Variants in ATP8A1 observed in about 807,000 individuals in gnomAD.
ATP8A1 encodes the protein ATPase phospholipid transporting 8A1.
ATP8A1 carries 90 observed loss-of-function variants against 177.7 expected under a neutral mutation model. The observed-to-expected ratio is 0.51, with a 90% CI of 0.43 to 0.60. The LOEUF (loss-of-function observed/expected upper bound fraction) is 0.60. Ranked by LOEUF, ATP8A1 falls within the 20% of genes least tolerant of loss-of-function variation. The pLI is 0.00. For synonymous variants in ATP8A1, 493 were observed against 485.9 expected, an observed-to-expected ratio of 1.01 and a Z score of -0.19; for missense variants, 1,072 against 1,392.8, an observed-to-expected ratio of 0.77 and a Z score of 3.67.
intron 20 of ATP8A1, 42 bp downstream of exon 20, chr4:42,543,875 C>T: frequency 1.4e-6 from 2 of 1,404,168 alleles, no homozygotes; most frequent in Non-Finnish European, 2.0e-6. Flanking sequence ...CATTATAAAC[C>T]ATCATAAATT....
At chr4:42,605,109 C>T (rs1735664204) in intron 5 of ATP8A1, among the ~76,000 whole-genome samples, 1 of 152,126 alleles carries the variant, frequency 6.6e-6, no homozygotes, top group Admixed American at 6.5e-5. Flanking sequence ...CGGTGCATAA[C>T]CTTGTGAATG....
Position 42,657,016 on chromosome 4 carries a change from C to G in ATP8A1, c.-143G>C, listed in dbSNP as rs1741711874. 1.2e-6 allele frequency: 1 copy of G among 822,376 alleles called. No individual in the cohort carries two copies. Among genetic ancestry groups the G allele is most frequent in the Non-Finnish European group, 1.6e-6 (1 of 612,654 alleles). 50.9% of individuals were successfully genotyped at this position (822,376 alleles called of 1,614,324 possible). A position where few individuals can be genotyped will look rare whatever the true frequency, so the allele number is the denominator to read the frequency against. ...CCGCCCACCTAGGGCAGAGCTGCCG[C>G]CGGGCGCGGCCCCCGCACGCCGACA... On this transcript the variant is annotated 5_prime_UTR_variant, in exon 1 of 37. Transcript: ENST00000381668.
At chr4:42,429,908 G>A (rs1236370483) in intron 33 of ATP8A1, among the ~76,000 whole-genome samples, 1 of 152,190 alleles carries the variant, frequency 6.6e-6, no homozygotes, top group Non-Finnish European at 1.5e-5. Context: ...CTTAGATGCA[G>A]TGCCTGGAAT....
intron 22 of ATP8A1, among the ~76,000 whole-genome samples, chr4:42,516,106 A>C (rs1026497107): frequency 6.6e-6 from 1 of 152,244 alleles, no homozygotes; most frequent in African/African-American, 2.4e-5. Flanking sequence ...TCATTTATTC[A>C]TCAAATATTT....
intron 18 of ATP8A1, 44 bp from the exon 19 acceptor site, chr4:42,549,106 C>CTTAA: frequency 6.8e-7 from 1 of 1,473,318 alleles, no homozygotes; most frequent in South Asian, 1.2e-5. Flanking sequence ...TTGGAAAAGT[C>CTTAA]TTAAGCTTCT....
chr4:42,601,122 G>A lies in ATP8A1; in HGVS notation c.410-604C>T, dbSNP rs183704148. On this transcript the variant is annotated intron_variant, in intron 5 of 36. Coordinates refer to ENST00000381668, the MANE Select transcript of ATP8A1 (RefSeq NM_006095.2). ...ACAATCTTGGCTCACTGCAACCTCC[G>A]CCTCCCAGGTTCAAGCCATTCTCCT... Among the ~76,000 whole-genome samples, 589 of 134,406 alleles carry A rather than the reference G, an allele frequency of 4.4e-3. 3 individuals carry two copies. Among genetic ancestry groups the A allele is most frequent in the Middle Eastern group, 0.021 (5 of 234 alleles). The allele number at this position is 134,406 out of a possible 152,430, so 88.2% of individuals were successfully genotyped here. A position where few individuals can be genotyped will look rare whatever the true frequency, so the allele number is the denominator to read the frequency against.
intron 15 of ATP8A1, among the ~76,000 whole-genome samples, chr4:42,565,645 A>C (rs1240652490): frequency 1.3e-5 from 2 of 152,232 alleles, no homozygotes; most frequent in Non-Finnish European, 2.9e-5. Flanking sequence ...GTTGAGAAAA[A>C]ACAAATAATA....
intron 36 of ATP8A1, among the ~76,000 whole-genome samples, chr4:42,413,922 G>A (rs1194834825): frequency 3.3e-5 from 5 of 152,212 alleles, no homozygotes; most frequent in Non-Finnish European, 5.9e-5. Context: ...TCCTTCAGAG[G>A]ACATTCCCCT....
chr4:42,578,709 A>C (rs756053204), intron 11 of ATP8A1, among the ~76,000 whole-genome samples: 2 of 152,142 alleles, frequency 1.3e-5, no homozygotes, highest in Non-Finnish European at 2.9e-5. Context: ...ATAAAATCTC[A>C]ATTGGGTAGA....
chr4:42,575,514 G>T, intron 13 of ATP8A1, 108 bp downstream of exon 13: 1 of 824,052 alleles, frequency 1.2e-6, no homozygotes, highest in East Asian at 2.6e-5. Flanking sequence ...TATTCAAATA[G>T]TGGAAAATTA....
intron 24 of ATP8A1, among the ~76,000 whole-genome samples, chr4:42,493,667 C>T (rs910108427): frequency 7.9e-5 from 12 of 152,134 alleles, no homozygotes; most frequent in African/African-American, 1.9e-4. Flanking sequence ...AGGTTTCCTC[C>T]GAATCCTTGC....
intron 6 of ATP8A1, chr4:42,594,240 G>T (rs751672029): frequency 2.5e-5 from 27 of 1,084,152 alleles, no homozygotes; most frequent in Admixed American, 7.6e-5. Flanking sequence ...TCAATGCAGG[G>T]TAGAGAAACC....
chr4:42,455,683 G>A lies in ATP8A1; in HGVS notation c.2620-84C>T, dbSNP rs147122381. 6.8e-6 allele frequency: 8 copies of A among 1,181,484 alleles called. No individual in the cohort carries two copies. In the African/African-American group the frequency reaches 7.8e-5, roughly 12 times the overall value. 73.2% of individuals were successfully genotyped at this position (1,181,484 alleles called of 1,614,324 possible). ...AGAATCTGTTGTATACTCAACTGCT[G>A]CATAATAGCAGCATTAACATATTAT... On this transcript the variant is annotated intron_variant, in intron 27 of 36. Transcript: ENST00000381668.
rs563030075 is a variant in ATP8A1 at position 42,543,341 on chromosome 4, TA to T, written c.1722+575del. On this transcript the variant is annotated intron_variant, in intron 20 of 36. Coordinates refer to ENST00000381668, the MANE Select transcript of ATP8A1 (RefSeq NM_006095.2). ...AAGGAAAATGCTGACTCATCTCAATTAAAAAAAAGGGCCCTGGTCAGATTTC... is the reference window on the plus strand; with the variant it reads ...AAGGAAAATGCTGACTCATCTCAATTAAAAAAAGGGCCCTGGTCAGATTTC... Among the ~76,000 whole-genome samples, 73 of 151,762 alleles carry T rather than the reference TA, an allele frequency of 4.8e-4. 1 individual carries two copies. In the South Asian group the frequency reaches 0.015, roughly 31 times the overall value.
In ATP8A1 at chr4:42,606,340, G is replaced by A. The variant is rs746264150; in HGVS notation, c.410-5822C>T. Among the ~76,000 whole-genome samples the A allele has an allele frequency of 3.9e-5, 6 of 152,262 alleles. No individual in the cohort carries two copies. In the East Asian group the frequency reaches 5.8e-4, roughly 15 times the overall value. On this transcript the variant is annotated intron_variant, in intron 5 of 36. Coordinates refer to ENST00000381668, the MANE Select transcript of ATP8A1 (RefSeq NM_006095.2). ...ATCCCTTCTCTTTCACCCTCAACAC[G>A]GGTGTTGAAGCTCCATGGTATGTAT...
At chr4:42,476,770 G>A (rs571999148) in intron 25 of ATP8A1, among the ~76,000 whole-genome samples, 1 of 152,156 alleles carries the variant, frequency 6.6e-6, no homozygotes, top group Non-Finnish European at 1.5e-5. Context: ...ATTAAGAAGG[G>A]AGCCAGCCTA....
intron 25 of ATP8A1, among the ~76,000 whole-genome samples, chr4:42,469,514 G>A (rs576437159): frequency 2.7e-4 from 41 of 152,238 alleles, no homozygotes; most frequent in Non-Finnish European, 4.9e-4. Context: ...TTGCTACAAG[G>A]GGGTTACAAT....
chr4:42,595,325 T>C (rs1734617845), intron 6 of ATP8A1, among the ~76,000 whole-genome samples: 1 of 152,190 alleles, frequency 6.6e-6, no homozygotes, highest in Non-Finnish European at 1.5e-5. Context: ...AAGAAATTAC[T>C]GCAGAGGCAG....
intron 27 of ATP8A1, among the ~76,000 whole-genome samples, chr4:42,457,464 C>G (rs554806742): frequency 1.3e-5 from 2 of 152,300 alleles, no homozygotes; most frequent in South Asian, 4.1e-4. Flanking sequence ...TAAGGAATTT[C>G]AAAACAAACT....
Sources: gnomAD v4.1 joint callset for allele counts (sites outside exome capture counted in the v4.1 genomes callset) on GRCh38, gnomAD v4.1.1 for gene constraint, MANE v1.5 for transcripts, NCBI Gene and HGNC (gene_info 2026-07-23, HGNC 2026-07-21) for gene names.